The following EBF1 variants were observed in gnomAD, a reference collection of about 807,000 sequenced individuals.
EBF1 encodes transcription factor COE1.
EBF1 carries 10 observed loss-of-function variants against 68.4 expected under a neutral mutation model. The observed-to-expected ratio is 0.15, with a 90% CI of 0.09 to 0.25. EBF1 has a LOEUF of 0.25. Among genes scored for constraint, EBF1 ranks in the 10% least tolerant of loss-of-function variants. The pLI, the probability that EBF1 is intolerant of heterozygous loss-of-function variation, is 1.00. For synonymous variants in EBF1, 298 were observed against 299.8 expected (o/e 0.99, Z 0.06); for missense variants, 509 against 794.4 (o/e 0.64, Z 4.32).
In EBF1 at chr5:158,934,645, A is replaced by G. The variant is rs944578350; in HGVS notation, c.555-94535T>C. On this transcript the variant is annotated intron_variant, in intron 6 of 15. Transcript: ENST00000313708. ...CACTGTAGAACTTATAATCAGTCCAAACATTTTTCCTCTGTTAATTTCATA... is the reference window on the plus strand; with the variant it reads ...CACTGTAGAACTTATAATCAGTCCAGACATTTTTCCTCTGTTAATTTCATA... Among the ~76,000 whole-genome samples, 3 of 152,244 alleles carry G rather than the reference A, an allele frequency of 2.0e-5. No individual in the cohort carries two copies. The East Asian group carries it at 5.8e-4, about 29-fold the overall frequency.
chr5:158,898,024 T>C (rs79988033), intron 6 of EBF1, among the ~76,000 whole-genome samples: 9,136 of 152,294 alleles, frequency 0.06, 319 homozygotes, highest in Non-Finnish European at 0.071. Context: ...TTGCTGATTC[T>C]AAAACTGTGT....
At chr5:158,733,317 C>T (rs1764499693) in intron 10 of EBF1, among the ~76,000 whole-genome samples, 1 of 152,140 alleles carries the variant, frequency 6.6e-6, no homozygotes, top group South Asian at 2.1e-4. Context: ...CTTGGTTTTA[C>T]TTTTCAGTCT....
At chr5:159,049,743 T>C (rs1197890326) in intron 6 of EBF1, among the ~76,000 whole-genome samples, 1 of 152,170 alleles carries the variant, frequency 6.6e-6, no homozygotes, top group African/African-American at 2.4e-5. Flanking sequence ...AACGTTAGAA[T>C]CAAATAGAAA....
intron 10 of EBF1, among the ~76,000 whole-genome samples, chr5:158,763,261 G>T (rs185067838): frequency 6.6e-6 from 1 of 152,302 alleles, no homozygotes; most frequent in Non-Finnish European, 1.5e-5. Context: ...TGCAGCAGGG[G>T]ACAGTATATT....
At chr5:158,739,329 GCTCT>G (rs1195266887) in intron 10 of EBF1, among the ~76,000 whole-genome samples, 1 of 152,164 alleles carries the variant, frequency 6.6e-6, no homozygotes, top group Non-Finnish European at 1.5e-5. Context: ...AAACTGTATT[GCTCT>G]CTAAGTGTAC....
chr5:159,022,056 TA>T (rs10630834), intron 6 of EBF1, among the ~76,000 whole-genome samples: 3,913 of 105,572 alleles, frequency 0.037, 112 homozygotes, highest in African/African-American at 0.1. Context: ...GTCAGCACGA[TA>T]AAAAAAAAAA....
intron 6 of EBF1, among the ~76,000 whole-genome samples, chr5:158,969,849 A>AAAG (rs200673387): frequency 2.1e-5 from 1 of 47,388 alleles, no homozygotes; most frequent in East Asian, 4.3e-4. Context: ...AAAGAGAAAG[A>AAAG]AAGAAAGAAA....
chr5:158,932,815 AC>A (rs1471239806), intron 6 of EBF1, among the ~76,000 whole-genome samples: 3 of 152,238 alleles, frequency 2.0e-5, no homozygotes. Flanking sequence ...GTATCTCTGT[AC>A]ATCAAACCCA....
At chr5:158,994,804 T>C (rs1471375097) in intron 6 of EBF1, among the ~76,000 whole-genome samples, 2 of 152,172 alleles carry the variant, frequency 1.3e-5, no homozygotes, top group Non-Finnish European at 2.9e-5. Context: ...TGGCAGAAAA[T>C]TCATGGATGA....
chr5:158,855,257 T>C (rs114502688), intron 6 of EBF1, among the ~76,000 whole-genome samples: 2,272 of 152,362 alleles, frequency 0.015, 55 homozygotes, highest in African/African-American at 0.051. Context: ...AAACAGGCTA[T>C]ACCTTTTAAA....
chr5:158,704,382 T>C (rs1757414330), intron 15 of EBF1, among the ~76,000 whole-genome samples: 1 of 152,144 alleles, frequency 6.6e-6, no homozygotes, highest in South Asian at 2.1e-4. Flanking sequence ...AACAGAGTGG[T>C]AGTTGGAGGT....
intron 8 of EBF1, among the ~76,000 whole-genome samples, chr5:158,811,348 CAGG>C (rs1448073980): frequency 6.6e-6 from 1 of 152,138 alleles, no homozygotes; most frequent in Non-Finnish European, 1.5e-5. Flanking sequence ...GCTCAAATAG[CAGG>C]AGAATTTCTC....
chr5:158,929,460 A>G (rs997708641), intron 6 of EBF1, among the ~76,000 whole-genome samples: 1 of 152,206 alleles, frequency 6.6e-6, no homozygotes, highest in Non-Finnish European at 1.5e-5. Flanking sequence ...GTCCCTAAAG[A>G]ACTAAGTACT....
intron 6 of EBF1, among the ~76,000 whole-genome samples, chr5:159,038,086 C>T (rs950342066): frequency 3.9e-5 from 6 of 152,158 alleles, no homozygotes; most frequent in African/African-American, 1.4e-4. Flanking sequence ...CTTGATTTTG[C>T]CCCATATCTT....
chr5:158,854,142 G>C (rs1326721168), intron 6 of EBF1, among the ~76,000 whole-genome samples: 1 of 152,206 alleles, frequency 6.6e-6, no homozygotes, highest in African/African-American at 2.4e-5. Flanking sequence ...AAATCTGGTA[G>C]AGGGATGCAG....
chr5:158,997,414 A>G (rs181025923), intron 6 of EBF1, among the ~76,000 whole-genome samples: 9 of 152,274 alleles, frequency 5.9e-5, no homozygotes, highest in Non-Finnish European at 1.0e-4. Context: ...TGCAGTTTCC[A>G]GTTATCTAAA....
In EBF1 at chr5:159,099,272, GCCGC is replaced by G. The variant is rs1459942504; in HGVS notation, c.134+69_134+72del. On this transcript the variant is annotated intron_variant, in intron 1 of 15. Coordinates refer to ENST00000313708, the MANE Select transcript of EBF1 (RefSeq NM_024007.5). The stretch of plus-strand genomic sequence containing the variant: ...CGGCCCCGCGGCAGCAGCTGCCGCT[GCCGC>G]TGCCGCCTCCGCCTCCCGGCTCTCC... The G allele has an allele frequency of 1.4e-5, 17 of 1,249,552 alleles. No homozygotes were observed. In the African/African-American group the frequency reaches 1.7e-4, roughly 13 times the overall value. 77.4% of individuals were successfully genotyped at this position (1,249,552 alleles called of 1,614,324 possible).
intron 6 of EBF1, among the ~76,000 whole-genome samples, chr5:158,928,210 G>C: frequency 6.6e-6 from 1 of 152,208 alleles, no homozygotes; most frequent in East Asian, 1.9e-4. Flanking sequence ...TGTGAAATGG[G>C]GATGACAATA....
intron 8 of EBF1, among the ~76,000 whole-genome samples, chr5:158,811,783 A>G (rs1024016606): frequency 6.6e-6 from 1 of 152,168 alleles, no homozygotes; most frequent in Admixed American, 6.5e-5. Context: ...AACCTATGGA[A>G]ATTTTCCAAG....
Sources: gnomAD v4.1 joint callset for allele counts (sites outside exome capture counted in the v4.1 genomes callset) on GRCh38, gnomAD v4.1.1 for gene constraint, MANE v1.5 for transcripts, NCBI Gene and HGNC (gene_info 2026-07-23, HGNC 2026-07-21) for gene names.